PACRG: variants seen among roughly 807,000 people sequenced by gnomAD.
The protein encoded by PACRG is parkin coregulated.
Under a neutral mutation model 29.7 loss-of-function variants are expected in PACRG, and 29 were observed. The ratio of observed to expected loss-of-function variants is 0.98; its 90% CI spans 0.73 to 1.33. The LOEUF (loss-of-function observed/expected upper bound fraction) is 1.33. Among genes scored for constraint, PACRG ranks in the 40% most tolerant of loss-of-function variants. The pLI is 0.00. For missense variants in PACRG, 279 were observed against 316.2 expected (o/e 0.88, Z 0.89); for synonymous variants, 116 against 118.7 (o/e 0.98, Z 0.15).
intron 2 of PACRG, among the ~76,000 whole-genome samples, chr6:162,898,615 C>T (rs1190542157): frequency 1.3e-5 from 2 of 152,154 alleles, no homozygotes; most frequent in Non-Finnish European, 2.9e-5. Context: ...GTTGCTTAAT[C>T]TCTCTGTGTC....
At position 163,248,431 on chromosome 6, in the gene PACRG, C is replaced by CG. The variant is rs1782775334; in HGVS notation, c.614-66396_614-66395insG. Among the ~76,000 whole-genome samples the CG allele has an allele frequency of 1.3e-4, 14 of 109,690 alleles. No homozygotes were observed. In the South Asian group the frequency reaches 4.1e-3, roughly 32 times the overall value. 72.0% of individuals were successfully genotyped at this position (109,690 alleles called of 152,430 possible). On this transcript the variant is annotated intron_variant, in intron 4 of 4. Coordinates refer to ENST00000366888, the MANE Select transcript of PACRG (RefSeq NM_001080379.2). ...GCAAGAGGGGAGTGCATATTTTATG[C>CG]AAAAAAAAAAAAAAAAGATTTTGTG...
chr6:163,116,608 A>G (rs970368937), intron 4 of PACRG, among the ~76,000 whole-genome samples: 2 of 152,038 alleles, frequency 1.3e-5, no homozygotes, highest in African/African-American at 4.8e-5. Flanking sequence ...GCCATGGCTT[A>G]GCAAAGGTCT....
chr6:163,141,444 G>GTT (rs61532073), intron 4 of PACRG, among the ~76,000 whole-genome samples: 21,009 of 147,084 alleles, frequency 0.14, 1,531 homozygotes, highest in African/African-American at 0.16. Context: ...TAATGTATGT[G>GTT]TTTTTTTTTT....
chr6:163,231,185 G>A (rs1035055480), intron 4 of PACRG, among the ~76,000 whole-genome samples: 4 of 152,184 alleles, frequency 2.6e-5, no homozygotes, highest in East Asian at 1.9e-4. Flanking sequence ...TGCTGGCTGG[G>A]GTTTCTCCTG....
intron 1 of PACRG, among the ~76,000 whole-genome samples, chr6:162,779,912 T>C (rs1483942117): frequency 6.6e-6 from 1 of 152,160 alleles, no homozygotes; most frequent in East Asian, 1.9e-4. Context: ...AGACCTACAA[T>C]TGCCTCAACT....
chr6:162,784,340 G>C (rs1187438632), intron 1 of PACRG, among the ~76,000 whole-genome samples: 1 of 152,060 alleles, frequency 6.6e-6, no homozygotes, highest in African/African-American at 2.4e-5. Flanking sequence ...CCAGCCCATG[G>C]TCATCTTATC....
chr6:162,856,459 T>A (rs1019008376), intron 2 of PACRG, among the ~76,000 whole-genome samples: 1 of 151,974 alleles, frequency 6.6e-6, no homozygotes, highest in Admixed American at 6.6e-5. Flanking sequence ...CTTGGGAGAG[T>A]CATTTCAACA....
chr6:163,258,024 A>G (rs774035401), intron 4 of PACRG, among the ~76,000 whole-genome samples: 1 of 151,998 alleles, frequency 6.6e-6, no homozygotes, highest in Non-Finnish European at 1.5e-5. Context: ...CTCTCTTCCC[A>G]TTATTATACC....
intron 4 of PACRG, among the ~76,000 whole-genome samples, chr6:163,126,733 A>G (rs900631658): frequency 6.6e-6 from 1 of 152,254 alleles, no homozygotes; most frequent in African/African-American, 2.4e-5. Context: ...AAAAACCCAG[A>G]ATAATTATGA....
chr6:162,945,813 A>T (rs369743857), intron 2 of PACRG, among the ~76,000 whole-genome samples: 2 of 152,150 alleles, frequency 1.3e-5, no homozygotes, highest in South Asian at 2.1e-4. Flanking sequence ...TTAGACCACA[A>T]TGAAATCAAA....
chr6:162,909,191 A>G (rs1432223703), intron 2 of PACRG, among the ~76,000 whole-genome samples: 4 of 152,134 alleles, frequency 2.6e-5, no homozygotes, highest in Non-Finnish European at 5.9e-5. Context: ...ACTCTTTCTC[A>G]TAACAAAGGC....
chr6:163,314,833 C>A lies in PACRG; in HGVS notation c.620C>A (p.Ser207Tyr). The change falls in exon 5 of 5, where the codon TCC becomes TAC. Residue 207 changes from serine to tyrosine, a missense_variant. Physicochemically the swap from Ser to Tyr is moderately radical, Grantham distance 144. Transcript: ENST00000366888. ...GTGTGTTTGCATGCACCAGTGAACTCCGGAGACGGCATTGACTACAGCCAG... is the reference window on the plus strand; with the variant it reads ...GTGTGTTTGCATGCACCAGTGAACTACGGAGACGGCATTGACTACAGCCAG... Reference protein sequence around the residue: ...LNIFKNMNVNSGDGIDYSQQK... With the variant: ...LNIFKNMNVNYGDGIDYSQQK... 1.2e-6 allele frequency: 2 copies of A among 1,613,842 alleles called. No homozygotes were observed. The highest frequency in any genetic ancestry group is 1.7e-6 in the Non-Finnish European group (2 of 1,179,948).
chr6:162,757,081 A>C (rs185099968), intron 1 of PACRG, among the ~76,000 whole-genome samples: 1 of 152,042 alleles, frequency 6.6e-6, no homozygotes, highest in African/African-American at 2.4e-5. Flanking sequence ...GTTGCTATTT[A>C]TTATAAATAT....
intron 1 of PACRG, among the ~76,000 whole-genome samples, chr6:162,785,824 C>T (rs1158404174): frequency 6.6e-6 from 1 of 152,164 alleles, no homozygotes; most frequent in South Asian, 2.1e-4. Context: ...AGGCCACGGA[C>T]CACTAGCGGT....
At chr6:162,922,332 C>T (rs1797124765) in intron 2 of PACRG, among the ~76,000 whole-genome samples, 1 of 150,446 alleles carries the variant, frequency 6.6e-6, no homozygotes, top group Non-Finnish European at 1.5e-5. Context: ...GGGGCTCCCC[C>T]TCCTGCTCAT....
rs1038209214 is a variant in PACRG, at chr6:163,268,499, A to G, written c.614-46328A>G. Among the ~76,000 whole-genome samples the G allele has an allele frequency of 2.0e-5, 3 of 152,136 alleles. No homozygotes were observed. In the East Asian group the frequency reaches 5.8e-4, roughly 29 times the overall value. ...AAAATAAAAATCTTTTACTAATGTG[A>G]TATAATTTATTACTTCACATTTCCA... is the stretch of plus-strand genomic sequence containing the variant. On this transcript the variant is annotated intron_variant, in intron 4 of 4. Coordinates refer to ENST00000366888, the MANE Select transcript of PACRG (RefSeq NM_001080379.2).
intron 2 of PACRG, among the ~76,000 whole-genome samples, chr6:162,850,944 A>T (rs900090373): frequency 6.6e-6 from 1 of 152,236 alleles, no homozygotes; most frequent in African/African-American, 2.4e-5. Flanking sequence ...ATCGGATGCC[A>T]TCTCCAGGTG....
rs1057265585 is a variant in PACRG at position 162,874,730 on chromosome 6, A to G, written c.291+60449A>G. On this transcript the variant is annotated intron_variant, in intron 2 of 4. Transcript: ENST00000366888. Reference sequence around the variant, plus strand: ...GAAATGAGGCATGGCTCCTACATGCATAGACACACATGCATTCACACACTT... The same window carrying G: ...GAAATGAGGCATGGCTCCTACATGCGTAGACACACATGCATTCACACACTT... Among the ~76,000 whole-genome samples, 6 of 152,270 alleles carry G rather than the reference A, an allele frequency of 3.9e-5. No individual in the cohort carries two copies. In the East Asian group the frequency reaches 5.8e-4, roughly 15 times the overall value.
rs7746702 is a variant in PACRG at position 162,790,336 on chromosome 6, G to A, written c.157-23811G>A. 2.0e-3 allele frequency among the ~76,000 whole-genome samples: 306 copies of A among 151,990 alleles called. 1 individual carries two copies. Among genetic ancestry groups the A allele is most frequent in the Non-Finnish European group, 3.8e-3 (259 of 67,942 alleles). On this transcript the variant is annotated intron_variant, in intron 1 of 4. Transcript: ENST00000366888. ...TTCAGTGGATACATTTGCTCTCCCC[G>A]CACTCACCCCACTCACCCCACCAAC...
Sources: allele counts gnomAD v4.1 joint callset (sites outside exome capture counted in the v4.1 genomes callset), GRCh38; gene constraint gnomAD v4.1.1; transcripts MANE v1.5; gene names NCBI Gene and HGNC (gene_info 2026-07-23, HGNC 2026-07-21).